Variants in PTPRM observed in about 807,000 individuals in gnomAD.
The protein encoded by PTPRM is protein tyrosine phosphatase receptor type M, also known as receptor-type tyrosine-protein phosphatase mu.
A neutral mutation model predicts 186.7 loss-of-function variants in PTPRM; 47 were observed. The ratio of observed to expected loss-of-function variants is 0.25; its 90% confidence interval spans 0.20 to 0.32. The LOEUF (loss-of-function observed/expected upper bound fraction) is 0.32, where lower values mean the gene tolerates loss of function less well. PTPRM is among the 10% of genes least tolerant of loss of function. The probability of loss-of-function intolerance (pLI) is 1.00; values close to 1 mark genes in which losing one functional copy is unlikely to be tolerated. For synonymous variants in PTPRM, 668 were observed against 674.9 expected (o/e 0.99, Z 0.16); for missense variants, 1,494 against 1,865.0 (o/e 0.80, Z 3.66).
chr18:8,005,656 T>A (rs2084136966), intron 7 of PTPRM, among the ~76,000 whole-genome samples: 1 of 152,146 alleles, frequency 6.6e-6, no homozygotes, highest in Non-Finnish European at 1.5e-5. Flanking sequence ...TGTGCAGTGG[T>A]GCCTTTTTTA....
intron 1 of PTPRM, among the ~76,000 whole-genome samples, chr18:7,676,880 G>A (rs1179903705): frequency 1.3e-5 from 2 of 152,098 alleles, no homozygotes; most frequent in Non-Finnish European, 2.9e-5. Flanking sequence ...TATGTTTTTA[G>A]TTCTTTGACA....
At chr18:8,253,912 GT>G (rs541409591) in intron 19 of PTPRM, among the ~76,000 whole-genome samples, 20 of 151,830 alleles carry the variant, frequency 1.3e-4, no homozygotes, top group Non-Finnish European at 2.1e-4. Flanking sequence ...TCCCCATCCT[GT>G]TTTTTTTCCC....
intron 22 of PTPRM, among the ~76,000 whole-genome samples, chr18:8,342,774 A>G (rs1001785661): frequency 1.3e-5 from 2 of 152,148 alleles, no homozygotes; most frequent in African/African-American, 2.4e-5. Flanking sequence ...TTTGTAATAT[A>G]TATTTTTCCA....
intron 1 of PTPRM, among the ~76,000 whole-genome samples, chr18:7,717,018 C>T (rs1229056605): frequency 1.3e-5 from 2 of 152,150 alleles, no homozygotes; most frequent in Non-Finnish European, 2.9e-5. Flanking sequence ...CACATGCACA[C>T]ATATGTTTAT....
chr18:8,215,737 C>T (rs7241602), intron 14 of PTPRM, among the ~76,000 whole-genome samples: 71,440 of 151,032 alleles, frequency 0.47, 17,351 homozygotes, highest in East Asian at 0.73. Flanking sequence ...TTGTAGAGAC[C>T]AGGTCTCCCT....
intron 19 of PTPRM, among the ~76,000 whole-genome samples, chr18:8,278,393 T>C (rs1222314702): frequency 1.3e-5 from 2 of 152,246 alleles, no homozygotes; most frequent in Non-Finnish European, 2.9e-5. Context: ...AGTGTCCTTG[T>C]AGATCTGATA....
At chr18:7,949,410 T>G (rs889900653) in intron 6 of PTPRM, 55 bp downstream of exon 6, 22 of 1,457,054 alleles carry the variant, frequency 1.5e-5, no homozygotes, top group Non-Finnish European at 2.0e-5. Flanking sequence ...ATGTTAGGTG[T>G]TGTTAGTTCA....
chr18:7,778,486 G>T (rs1347453680), intron 2 of PTPRM, among the ~76,000 whole-genome samples: 1 of 151,888 alleles, frequency 6.6e-6, no homozygotes, highest in Non-Finnish European at 1.5e-5. Flanking sequence ...TTTTGAGGCA[G>T]AGTTTCGCTC....
At chr18:7,689,956 G>A (rs762199912) in intron 1 of PTPRM, among the ~76,000 whole-genome samples, 7 of 151,914 alleles carry the variant, frequency 4.6e-5, no homozygotes, top group Non-Finnish European at 8.8e-5. Context: ...TTACATTCAC[G>A]TGCCTTAGGC....
chr18:8,098,446 C>T (rs2091118395), intron 11 of PTPRM, among the ~76,000 whole-genome samples: 1 of 152,106 alleles, frequency 6.6e-6, no homozygotes, highest in African/African-American at 2.4e-5. Context: ...ACATTTATTA[C>T]AGATAAGAAG....
chr18:7,879,528 A>G (rs996480722), intron 2 of PTPRM, among the ~76,000 whole-genome samples: 5 of 152,212 alleles, frequency 3.3e-5, no homozygotes, highest in South Asian at 2.1e-4. Context: ...GAATCCTGCC[A>G]TGGCTAAAAG....
intron 1 of PTPRM, among the ~76,000 whole-genome samples, chr18:7,730,073 T>C (rs1205420705): frequency 6.6e-6 from 1 of 152,146 alleles, no homozygotes; most frequent in Non-Finnish European, 1.5e-5. Context: ...TGATTAACAT[T>C]TGGCACTTAA....
At chr18:7,630,930 G>A (rs1295324159) in intron 1 of PTPRM, among the ~76,000 whole-genome samples, 4 of 152,154 alleles carry the variant, frequency 2.6e-5, no homozygotes, top group Non-Finnish European at 5.9e-5. Context: ...ATTTACATGG[G>A]GACCCTTAGG....
chr18:8,330,558 A>G (rs1422631453), intron 22 of PTPRM, among the ~76,000 whole-genome samples: 1 of 152,218 alleles, frequency 6.6e-6, no homozygotes, highest in Non-Finnish European at 1.5e-5. Flanking sequence ...CCCCTGAAGC[A>G]TATGAATATA....
chr18:7,774,513 G>T (rs1015332497), intron 2 of PTPRM, among the ~76,000 whole-genome samples: 1 of 152,050 alleles, frequency 6.6e-6, no homozygotes, highest in Non-Finnish European at 1.5e-5. Context: ...TAGATTAGTG[G>T]GCATTACCCA....
intron 1 of PTPRM, among the ~76,000 whole-genome samples, chr18:7,766,277 G>A (rs980815143): frequency 6.6e-6 from 1 of 152,190 alleles, no homozygotes. Context: ...GGAGAGAGAA[G>A]CAACATAGTA....
intron 1 of PTPRM, among the ~76,000 whole-genome samples, chr18:7,649,658 G>T (rs1441105462): frequency 6.6e-6 from 1 of 152,110 alleles, no homozygotes; most frequent in Non-Finnish European, 1.5e-5. Flanking sequence ...CCGGGAGGCG[G>T]ATGTTGCAGT....
At chr18:7,767,639 G>C (rs554743615) in intron 1 of PTPRM, among the ~76,000 whole-genome samples, 275 of 152,180 alleles carry the variant, frequency 1.8e-3, no homozygotes, top group African/African-American at 6.5e-3. Flanking sequence ...CATTATGCAA[G>C]TGACAATATT....
intron 4 of PTPRM, among the ~76,000 whole-genome samples, chr18:7,925,289 A>G (rs1338632881): frequency 6.6e-6 from 1 of 152,214 alleles, no homozygotes; most frequent in East Asian, 1.9e-4. Flanking sequence ...ACAATGGTCC[A>G]TGGTTATATT....
Sources: gnomAD v4.1 joint callset for allele counts (sites outside exome capture counted in the v4.1 genomes callset) on GRCh38, gnomAD v4.1.1 for gene constraint, MANE v1.5 for transcripts, NCBI Gene and HGNC (gene_info 2026-07-23, HGNC 2026-07-21) for gene names.